The following IRF2 variants were observed in gnomAD, a reference collection of about 807,000 sequenced individuals.
IRF2 encodes interferon regulatory factor 2.
In IRF2, 15 loss-of-function variants were observed where a neutral mutation model predicts 40.6. The observed-to-expected ratio is 0.37, with a 90% CI of 0.25 to 0.57. The LOEUF is 0.57. Ranked by LOEUF, IRF2 falls within the 20% of genes least tolerant of loss-of-function variation. The probability of loss-of-function intolerance (pLI) is 0.77; values close to 1 mark genes in which losing one functional copy is unlikely to be tolerated. For missense variants in IRF2, 317 were observed against 455.7 expected, an observed-to-expected ratio of 0.70 and a Z score of 2.77; for synonymous variants, 151 against 165.5, an observed-to-expected ratio of 0.91 and a Z score of 0.67.
intron 1 of IRF2, among the ~76,000 whole-genome samples, chr4:184,437,831 CAAAAA>C (rs35659512): frequency 8.3e-6 from 1 of 120,564 alleles, no homozygotes; most frequent in Admixed American, 8.3e-5. Flanking sequence ...TTGGAACGTA[CAAAAA>C]AAAAAAAAAA....
intron 6 of IRF2, among the ~76,000 whole-genome samples, chr4:184,406,135 G>C (rs1736845879): frequency 6.6e-6 from 1 of 152,010 alleles, no homozygotes; most frequent in South Asian, 2.1e-4. Flanking sequence ...GAACAACTCA[G>C]CTTCCAGGAA....
At chr4:184,414,208 C>A (rs1296213340) in intron 5 of IRF2, among the ~76,000 whole-genome samples, 2 of 152,218 alleles carry the variant, frequency 1.3e-5, no homozygotes, top group Admixed American at 1.3e-4. Flanking sequence ...AACTAGCACC[C>A]CTCTGTTTTA....
chr4:184,407,246 A>G (rs1236921434), intron 6 of IRF2: 13 of 1,287,714 alleles, frequency 1.0e-5, no homozygotes, highest in Non-Finnish European at 1.2e-5. Context: ...CCGTTTCCCA[A>G]AAACAGAAGT....
chr4:184,400,062 TGTGA>T (rs1247493553), intron 6 of IRF2, among the ~76,000 whole-genome samples: 1 of 152,206 alleles, frequency 6.6e-6, no homozygotes. Flanking sequence ...CACTCTTTTG[TGTGA>T]GTGTGTACCT....
At chr4:184,440,513 C>T (rs1248782931) in intron 1 of IRF2, among the ~76,000 whole-genome samples, 2 of 152,262 alleles carry the variant, frequency 1.3e-5, no homozygotes, top group Non-Finnish European at 2.9e-5. Flanking sequence ...CCACTACAAA[C>T]GGGCCTTCAT....
chr4:184,391,263 C>A (rs1481252604), intron 7 of IRF2, among the ~76,000 whole-genome samples: 1 of 152,200 alleles, frequency 6.6e-6, no homozygotes, highest in East Asian at 1.9e-4. Context: ...TGGGGTGCTC[C>A]CCATGATCCT....
chr4:184,431,492 C>T (rs1737875767), intron 1 of IRF2, among the ~76,000 whole-genome samples: 1 of 152,196 alleles, frequency 6.6e-6, no homozygotes, highest in Non-Finnish European at 1.5e-5. Context: ...CCCTCAAAGG[C>T]TCACCCTGCA....
rs555687545 is a variant in IRF2 at position 184,431,088 on chromosome 4, G to A, written c.-6-2018C>T. Among the ~76,000 whole-genome samples, 4 of 152,320 alleles carry A rather than the reference G, an allele frequency of 2.6e-5. No homozygotes were observed. The South Asian group carries it at 6.2e-4, about 24-fold the overall frequency. On this transcript the variant is annotated intron_variant, in intron 1 of 8. Coordinates refer to ENST00000393593, the MANE Select transcript of IRF2 (RefSeq NM_002199.4). ...CCAGGCCCAGGCCAGCTCTGAAGACGGCTCTGAGGGCCTAGGTGGGGTGCC... is the reference window on the plus strand; with the variant it reads ...CCAGGCCCAGGCCAGCTCTGAAGACAGCTCTGAGGGCCTAGGTGGGGTGCC...
chr4:184,464,762 C>G (rs987137540), intron 1 of IRF2, among the ~76,000 whole-genome samples: 3 of 152,196 alleles, frequency 2.0e-5, no homozygotes, highest in African/African-American at 7.2e-5. Flanking sequence ...TTACAAGTGT[C>G]TCACATTCTG....
chr4:184,425,051 G>C (rs1737618550), intron 2 of IRF2, among the ~76,000 whole-genome samples: 1 of 152,206 alleles, frequency 6.6e-6, no homozygotes, highest in East Asian at 1.9e-4. Flanking sequence ...CAAGGCACTG[G>C]TGCATGGGGC....
Position 184,418,154 on chromosome 4 carries a change from C to T in IRF2, c.411+13G>A. 1 of 1,610,330 alleles carries T rather than the reference C, an allele frequency of 6.2e-7. No homozygotes were observed. The highest frequency in any genetic ancestry group is 8.5e-7 in the Non-Finnish European group (1 of 1,176,526). On this transcript the variant is annotated intron_variant, in intron 5 of 8. Coordinates refer to ENST00000393593, the MANE Select transcript of IRF2 (RefSeq NM_002199.4). ...CCCAACTTTGGCTTTCTCTCTGAAT[C>T]ACCCAAGATTACCTTGATGTGCTTA...
chr4:184,427,465 G>T (rs1737712466), intron 2 of IRF2, among the ~76,000 whole-genome samples: 1 of 152,122 alleles, frequency 6.6e-6, no homozygotes, highest in Non-Finnish European at 1.5e-5. Context: ...ACCAGTCTGG[G>T]CAACATAGTG....
At chr4:184,407,117 G>A (rs1025264132) in intron 6 of IRF2, 88 of 1,098,906 alleles carry the variant, frequency 8.0e-5, no homozygotes, top group Non-Finnish European at 1.0e-4. Flanking sequence ...CAGAATGTCC[G>A]CACCTGCAAA....
intron 1 of IRF2, among the ~76,000 whole-genome samples, chr4:184,456,563 G>A (rs959239293): frequency 5.9e-5 from 9 of 152,246 alleles, no homozygotes; most frequent in East Asian, 1.9e-4. Context: ...GGTCCCTGCC[G>A]ACTGAGCGGA....
At chr4:184,416,328 C>CAAAAAAAAAAAAAA (rs35274774) in intron 5 of IRF2, among the ~76,000 whole-genome samples, 6 of 100,168 alleles carry the variant, frequency 6.0e-5, no homozygotes, top group African/African-American at 7.9e-5. Flanking sequence ...AAAAAAAAAA[C>CAAAAAAAAAAAAAA]AAAAAAAAAA....
intron 1 of IRF2, among the ~76,000 whole-genome samples, chr4:184,458,261 C>A (rs958224223): frequency 5.3e-5 from 8 of 152,210 alleles, no homozygotes; most frequent in Non-Finnish European, 1.2e-4. Flanking sequence ...TCTCCCTTAG[C>A]CTTTGGCTTG....
chr4:184,418,029 A>C, intron 5 of IRF2, 138 bp downstream of exon 5: 2 of 725,348 alleles, frequency 2.8e-6, no homozygotes, highest in Non-Finnish European at 4.9e-6. Context: ...CTGAAGAGCA[A>C]ACATGTAAAG....
chr4:184,452,917 A>C (rs1579105112), intron 1 of IRF2, among the ~76,000 whole-genome samples: 1 of 152,186 alleles, frequency 6.6e-6, no homozygotes, highest in South Asian at 2.1e-4. Flanking sequence ...CAAAATTTCC[A>C]AACAGCAGCT....
At chr4:184,459,477 G>A (rs956111817) in intron 1 of IRF2, among the ~76,000 whole-genome samples, 15 of 152,154 alleles carry the variant, frequency 9.9e-5, no homozygotes, top group African/African-American at 3.1e-4. Context: ...CATGCGCTCT[G>A]ATTTACTTCA....
Sources: gnomAD v4.1 joint callset for allele counts (sites outside exome capture counted in the v4.1 genomes callset) on GRCh38, gnomAD v4.1.1 for gene constraint, MANE v1.5 for transcripts, NCBI Gene and HGNC (gene_info 2026-07-23, HGNC 2026-07-21) for gene names.